Variants in ZNF738 observed in about 807,000 individuals in gnomAD.
The protein encoded by ZNF738 is zinc finger protein 738.
Under a neutral mutation model 9.2 loss-of-function variants are expected in ZNF738, and 10 were observed. The observed-to-expected ratio is 1.09, with a 90% CI of 0.67 to 1.85. ZNF738 has a LOEUF of 1.85. Ranked by LOEUF, ZNF738 falls within the 40% of genes most tolerant of loss-of-function variation. ZNF738 has a pLI of 0.00. For missense variants in ZNF738, 346 were observed against 283.6 expected, an observed-to-expected ratio of 1.22 and a Z score of -1.58; for synonymous variants, 113 against 94.5, an observed-to-expected ratio of 1.20 and a Z score of -1.14.
intron 2 of ZNF738, among the ~76,000 whole-genome samples, chr19:21,364,656 T>G (rs1445471076): frequency 1.3e-5 from 2 of 152,136 alleles, no homozygotes; most frequent in Admixed American, 6.5e-5. Context: ...AGGAAGTTTA[T>G]TAAGAAAGTA....
chr19:21,381,003 C>G (rs550535087), intron 4 of ZNF738, among the ~76,000 whole-genome samples: 1 of 152,114 alleles, frequency 6.6e-6, no homozygotes, highest in Non-Finnish European at 1.5e-5. Context: ...CTAAATGATC[C>G]AAGGAGAGTG....
At chr19:21,377,868 G>A in intron 4 of ZNF738, 1 of 379,696 alleles carries the variant, frequency 2.6e-6, no homozygotes, top group Non-Finnish European at 4.7e-6. Flanking sequence ...CTGAAACAAA[G>A]AGACTTACTA....
intron 2 of ZNF738, among the ~76,000 whole-genome samples, chr19:21,363,371 A>C (rs907530654): frequency 6.6e-6 from 1 of 152,164 alleles, no homozygotes; most frequent in Admixed American, 6.5e-5. Flanking sequence ...TTAAAGGTCC[A>C]GTTAGTTTTT....
At chr19:21,376,715 A>G (rs567795877) in intron 4 of ZNF738, among the ~76,000 whole-genome samples, 1 of 152,126 alleles carries the variant, frequency 6.6e-6, no homozygotes, top group East Asian at 1.9e-4. Context: ...AGTTTTTAGT[A>G]AAAACTCATG....
Position 21,386,135 on chromosome 19 carries a change from C to G in ZNF738, c.*2461C>G, listed in dbSNP as rs1974064622. 1.3e-5 allele frequency among the ~76,000 whole-genome samples: 2 copies of G among 150,552 alleles called. No individual in the cohort carries two copies. The highest frequency in any genetic ancestry group is 6.6e-5 in the Admixed American group (1 of 15,164). On this transcript the variant is annotated 3_prime_UTR_variant, in exon 5 of 5. Transcript: ENST00000683779. ...GGCAAAGCTTTTAAGAAATCCTCAT[C>G]CATTACTAAACAAGATAATTTGTAC...
chr19:21,372,816 A>C (rs1366119415), intron 2 of ZNF738: 1 of 152,236 alleles, frequency 6.6e-6, no homozygotes, highest in African/African-American at 2.4e-5. Context: ...GTACCTGCTT[A>C]ATAAACATTG....
rs1260617381 is a variant in ZNF738 at position 21,375,677 on chromosome 19, A to G, written c.224-192A>G. On this transcript the variant is annotated intron_variant, in intron 3 of 4. Coordinates refer to ENST00000683779, the MANE Select transcript of ZNF738 (RefSeq NM_001355237.2). The stretch of plus-strand genomic sequence containing the variant: ...TGCCACCACTAATTTTTGATTCATG[A>G]GCACTGAGTAGCAAAATTAAGGACC... Among the ~76,000 whole-genome samples, 7 of 152,278 alleles carry G rather than the reference A, an allele frequency of 4.6e-5. No individual in the cohort carries two copies. The East Asian group carries it at 1.3e-3, about 29-fold the overall frequency.
At chr19:21,361,163 G>C (rs1973685493) in intron 1 of ZNF738, among the ~76,000 whole-genome samples, 1 of 151,318 alleles carries the variant, frequency 6.6e-6, no homozygotes, top group Admixed American at 6.6e-5. Flanking sequence ...TTGAGACGGA[G>C]TTTTGCTCTT....
In ZNF738 at chr19:21,386,337, A is replaced by G. The variant is rs185718723; in HGVS notation, c.*2663A>G. 1.9e-4 allele frequency: 56 copies of G among 302,094 alleles called. No homozygotes were observed. The East Asian group carries it at 4.6e-3, about 25-fold the overall frequency. The allele number at this position is 302,094 out of a possible 1,614,324, so 18.7% of individuals were successfully genotyped here. ...ATAAGATAATTAATGCTGGAGGGAA[A>G]TCCCACCCATGTGGCAAAGCTTTTA... On this transcript the variant is annotated 3_prime_UTR_variant, in exon 5 of 5. Transcript: ENST00000683779.
chr19:21,380,877 T>A (rs997210546), intron 4 of ZNF738, among the ~76,000 whole-genome samples: 1 of 152,158 alleles, frequency 6.6e-6, no homozygotes, highest in Admixed American at 6.5e-5. Context: ...GGGGGATGCA[T>A]GTTCAAGCCA....
rs926990672 is a variant in ZNF738, at chr19:21,385,632, G to A, written c.*1958G>A. 2.0e-5 allele frequency among the ~76,000 whole-genome samples: 3 copies of A among 152,044 alleles called. No individual in the cohort carries two copies. The highest frequency in any genetic ancestry group is 4.8e-5 in the African/African-American group (2 of 41,392). On this transcript the variant is annotated 3_prime_UTR_variant, in exon 5 of 5. Coordinates refer to ENST00000683779, the MANE Select transcript of ZNF738 (RefSeq NM_001355237.2). ...AAGAATGTGAGAAAGCTTTTAACTG[G>A]TACTCATGCCTTACTGCACATAAGA...
intron 4 of ZNF738, chr19:21,378,890 C>T (rs1178258301): frequency 4.6e-5 from 7 of 153,844 alleles, no homozygotes; most frequent in Admixed American, 6.5e-5. Context: ...TGAGCTACCG[C>T]GCCCAGCCAA....
rs1599721642 is a variant in ZNF738, at chr19:21,384,720, C to T, written c.*1046C>T. Among the ~76,000 whole-genome samples, 1 of 152,168 alleles carries T rather than the reference C, an allele frequency of 6.6e-6. No individual in the cohort carries two copies. The highest frequency in any genetic ancestry group is 1.5e-5 in the Non-Finnish European group (1 of 68,038). On this transcript the variant is annotated 3_prime_UTR_variant, in exon 5 of 5. Transcript: ENST00000683779. ...TAACCAGTCCTCAACTCTTACTAGA[C>T]ATAAGAGAGTTCATACTGGAGAGAA...
Position 21,385,808 on chromosome 19 carries a change from A to G in ZNF738, c.*2134A>G, listed in dbSNP as rs1599722111. 6.6e-6 allele frequency among the ~76,000 whole-genome samples: 1 copy of G among 151,972 alleles called. No homozygotes were observed. On this transcript the variant is annotated 3_prime_UTR_variant, in exon 5 of 5. Transcript: ENST00000683779. ...GGCAAAGGTTTTTATTGATTCTCAT[A>G]CTTTACTAAAAATAAGGTGATTCAT...
At chr19:21,367,056 T>G (rs1973791484) in intron 2 of ZNF738, among the ~76,000 whole-genome samples, 1 of 152,212 alleles carries the variant, frequency 6.6e-6, no homozygotes, top group African/African-American at 2.4e-5. Flanking sequence ...ATTCTGTGTC[T>G]GGATGTGTAA....
intron 2 of ZNF738, among the ~76,000 whole-genome samples, chr19:21,364,196 C>CA (rs60889988): frequency 1.1e-5 from 1 of 89,948 alleles, no homozygotes; most frequent in East Asian, 2.8e-4. Flanking sequence ...GAATCCGTCT[C>CA]AAAAAAAAAA....
chr19:21,375,465 G>A lies in ZNF738; in HGVS notation c.223+101G>A, dbSNP rs182675016. ...GGTAGTTTATGCTTTGCATAAATGC[G>A]TTTCTGATCCCTGTTTTCAAAAAAT... On this transcript the variant is annotated intron_variant, in intron 3 of 4. Transcript: ENST00000683779. 2.8e-3 allele frequency: 1,567 copies of A among 550,874 alleles called. 17 individuals are homozygous for A. Among genetic ancestry groups the A allele is most frequent in the South Asian group, 0.014 (479 of 35,208 alleles). 34.1% of individuals were successfully genotyped at this position (550,874 alleles called of 1,614,324 possible).
At chr19:21,368,134 G>T (rs1973810223) in intron 2 of ZNF738, among the ~76,000 whole-genome samples, 1 of 152,190 alleles carries the variant, frequency 6.6e-6, no homozygotes, top group Admixed American at 6.5e-5. Context: ...ACACGTGCAG[G>T]TTTGTTATAT....
At chr19:21,374,288 TAAAG>T (rs1243517986) in intron 2 of ZNF738, among the ~76,000 whole-genome samples, 1 of 151,908 alleles carries the variant, frequency 6.6e-6, no homozygotes, top group African/African-American at 2.4e-5. Flanking sequence ...TCTAGGGTGC[TAAAG>T]AAAGACTACT....
Sources: gnomAD v4.1 joint callset for allele counts (sites outside exome capture counted in the v4.1 genomes callset) on GRCh38, gnomAD v4.1.1 for gene constraint, MANE v1.5 for transcripts, NCBI Gene and HGNC (gene_info 2026-07-23, HGNC 2026-07-21) for gene names.